Variants in FGD5 observed in about 807,000 individuals in gnomAD.
The protein encoded by FGD5 is FYVE, RhoGEF and PH domain containing 5.
Under a neutral mutation model 133.4 loss-of-function variants are expected in FGD5, and 28 were observed. That is an observed-to-expected ratio of 0.21 (90% CI 0.16 to 0.29). The LOEUF (loss-of-function observed/expected upper bound fraction) is 0.29, where lower values mean the gene tolerates loss of function less well. Ranked by LOEUF, FGD5 falls within the 10% of genes least tolerant of loss-of-function variation. The probability of loss-of-function intolerance (pLI) is 1.00; values close to 1 mark genes in which losing one functional copy is unlikely to be tolerated. For synonymous variants in FGD5, 810 were observed against 776.5 expected (o/e 1.04, Z -0.72); for missense variants, 1,858 against 1,895.2 (o/e 0.98, Z 0.36).
chr3:14,897,848 C>T, intron 5 of FGD5, 91 bp from the exon 6 acceptor site: 1 of 1,541,510 alleles, frequency 6.5e-7, no homozygotes, highest in Non-Finnish European at 8.8e-7. Flanking sequence ...GGGATCTGCA[C>T]CCAGGGATGT....
intron 9 of FGD5, among the ~76,000 whole-genome samples, chr3:14,905,005 T>A (rs2038312732): frequency 6.6e-6 from 1 of 152,064 alleles, no homozygotes; most frequent in South Asian, 2.1e-4. Flanking sequence ...TACCATGAGT[T>A]TTTACCAATG....
upstream of FGD5, among the ~76,000 whole-genome samples, chr3:14,817,064 G>A (rs1307017642): frequency 2.0e-5 from 3 of 152,136 alleles, no homozygotes; most frequent in Non-Finnish European, 4.4e-5. Flanking sequence ...AATGTAAAAT[G>A]CATATTAGAT....
At chr3:14,837,340 G>C (rs940286148) in intron 1 of FGD5, among the ~76,000 whole-genome samples, 1 of 152,218 alleles carries the variant, frequency 6.6e-6, no homozygotes, top group Admixed American at 6.5e-5. Context: ...GTAACCCCAG[G>C]AGGGGCGGTT....
intron 1 of FGD5, among the ~76,000 whole-genome samples, chr3:14,824,336 G>A (rs757908223): frequency 3.9e-5 from 6 of 152,216 alleles, no homozygotes; most frequent in Non-Finnish European, 7.3e-5. Context: ...TAGGGGCTTT[G>A]AGTACAGAGT....
At chr3:14,851,340 G>A (rs112958087) in intron 1 of FGD5, among the ~76,000 whole-genome samples, 122 of 152,322 alleles carry the variant, frequency 8.0e-4, no homozygotes, top group Non-Finnish European at 1.4e-3. Context: ...GAGGCAGGCA[G>A]GTTAAGCAAC....
At chr3:14,908,342 G>A (rs1246805577) in intron 10 of FGD5, among the ~76,000 whole-genome samples, 1 of 151,918 alleles carries the variant, frequency 6.6e-6, no homozygotes, top group Non-Finnish European at 1.5e-5. Context: ...CCAGAATTAC[G>A]GGGGCTATAG....
intron 12 of FGD5, among the ~76,000 whole-genome samples, chr3:14,918,431 C>T (rs2038604179): frequency 1.3e-5 from 2 of 152,216 alleles, no homozygotes; most frequent in South Asian, 4.1e-4. Context: ...AAAGGCTCCA[C>T]CGAGGAGCCT....
intron 11 of FGD5, among the ~76,000 whole-genome samples, chr3:14,911,401 A>C (rs559710634): frequency 5.9e-5 from 9 of 152,106 alleles, no homozygotes; most frequent in Admixed American, 5.2e-4. Flanking sequence ...GGCCTAGGGT[A>C]TATCTTTATC....
chr3:14,923,553 G>T (rs1201221561), intron 16 of FGD5, among the ~76,000 whole-genome samples: 1 of 152,152 alleles, frequency 6.6e-6, no homozygotes, highest in Non-Finnish European at 1.5e-5. Flanking sequence ...AGGAGCTGGG[G>T]TCAGGGAGGG....
At chr3:14,863,862 G>A (rs1157996294) in intron 1 of FGD5, among the ~76,000 whole-genome samples, 2 of 152,182 alleles carry the variant, frequency 1.3e-5, no homozygotes, top group Non-Finnish European at 2.9e-5. Context: ...AGTTATTCGG[G>A]CCTTCCTCTG....
chr3:14,917,245 C>A lies in FGD5; in HGVS notation c.3406-4C>A, dbSNP rs762211453. The stretch of plus-strand genomic sequence containing the variant: ...GTCCTCTCATAGGGTTTCCCTCTCT[C>A]CAGATGAACGATGTGCTCCTGTACA... On this transcript the variant is annotated splice_polypyrimidine_tract_variant and splice_region_variant and intron_variant, in intron 11 of 19. Transcript: ENST00000285046. This position sits in a 1 kb window ranked among gnomAD's most constrained non-coding sequence, Gnocchi z 4.1. 16 of 1,612,716 alleles carry A rather than the reference C, an allele frequency of 9.9e-6. No homozygotes were observed. Among genetic ancestry groups the A allele is most frequent in the African/African-American group, 1.3e-5 (1 of 74,888 alleles).
intron 1 of FGD5, among the ~76,000 whole-genome samples, chr3:14,854,389 T>TTTTA (rs71268415): frequency 0.056 from 7,694 of 137,466 alleles, 254 homozygotes; most frequent in Middle Eastern, 0.076. Flanking sequence ...TTTCTTTTCT[T>TTTTA]TTTATTTATT....
At chr3:14,813,693 C>G (rs1287066175) in intron 1 of FGD5, among the ~76,000 whole-genome samples, 1 of 151,832 alleles carries the variant, frequency 6.6e-6, no homozygotes, top group Non-Finnish European at 1.5e-5. Flanking sequence ...AGCCGAGGCC[C>G]GAAAAGGGGA....
chr3:14,900,851 C>G (rs554211458), intron 8 of FGD5, among the ~76,000 whole-genome samples, 152 bp from the exon 9 acceptor site: 1 of 152,344 alleles, frequency 6.6e-6, no homozygotes, highest in South Asian at 2.1e-4. Flanking sequence ...GCCAGGGAAA[C>G]TGAGGCATGC....
intron 1 of FGD5, among the ~76,000 whole-genome samples, chr3:14,826,913 G>A (rs1291678526): frequency 6.6e-6 from 1 of 152,176 alleles, no homozygotes; most frequent in Non-Finnish European, 1.5e-5. Flanking sequence ...GACTTCCCAT[G>A]AGATGGGTTC....
Position 14,917,793 on chromosome 3 carries a change from G to A in FGD5, c.3489+461G>A, listed in dbSNP as rs1380557440. Among the ~76,000 whole-genome samples the A allele has an allele frequency of 3.9e-5, 6 of 152,172 alleles. No homozygotes were observed. The highest frequency in any genetic ancestry group is 8.8e-5 in the Non-Finnish European group (6 of 68,022). On this transcript the variant is annotated intron_variant, in intron 12 of 19. Coordinates refer to ENST00000285046, the MANE Select transcript of FGD5 (RefSeq NM_152536.4). This position sits in a 1 kb window ranked among gnomAD's most constrained non-coding sequence, Gnocchi z 4.1. ...ATCTCAGAACTCTTTCCTCTCCCCA[G>A]ACTGAAACTCTGCCCACATTAAAAA...
chr3:14,908,591 A>T (rs991218310), intron 10 of FGD5, among the ~76,000 whole-genome samples: 49 of 152,290 alleles, frequency 3.2e-4, no homozygotes, highest in Middle Eastern at 3.4e-3. Flanking sequence ...TATTTTTAAA[A>T]GGGGAATTTA....
chr3:14,841,326 A>G (rs1166477861), intron 1 of FGD5, among the ~76,000 whole-genome samples: 1 of 152,230 alleles, frequency 6.6e-6, no homozygotes, highest in African/African-American at 2.4e-5. Flanking sequence ...TTACCGTCTT[A>G]AAGTGTTACA....
At chr3:14,863,358 G>A (rs1056849884) in intron 1 of FGD5, among the ~76,000 whole-genome samples, 4 of 151,760 alleles carry the variant, frequency 2.6e-5, no homozygotes, top group African/African-American at 9.7e-5. Flanking sequence ...CCTGCTGTGG[G>A]GATCACAGTT....
Sources: allele counts gnomAD v4.1 joint callset (sites outside exome capture counted in the v4.1 genomes callset), GRCh38; gene constraint gnomAD v4.1.1; non-coding constraint Gnocchi (gnomAD v3.1); transcripts MANE v1.5; gene names NCBI Gene and HGNC (gene_info 2026-07-23, HGNC 2026-07-21).